The following GPATCH8 variants were observed in gnomAD, a reference collection of about 807,000 sequenced individuals.
The protein encoded by GPATCH8 is G patch domain-containing protein 8.
A neutral mutation model predicts 118.3 loss-of-function variants in GPATCH8; 18 were observed. That is an observed-to-expected ratio of 0.15 (90% CI 0.11 to 0.23). GPATCH8 has a LOEUF of 0.23. Ranked by LOEUF, GPATCH8 falls within the 10% of genes least tolerant of loss-of-function variation. GPATCH8 has a pLI of 1.00. For missense variants in GPATCH8, 1,631 were observed against 1,873.8 expected (o/e 0.87, Z 2.39); for synonymous variants, 659 against 684.7 (o/e 0.96, Z 0.59).
At position 44,455,855 on chromosome 17, in the gene GPATCH8, C is replaced by T. The variant is rs552170713; in HGVS notation, c.193+8617G>A. On this transcript the variant is annotated intron_variant, in intron 3 of 7. Coordinates refer to ENST00000591680, the MANE Select transcript of GPATCH8 (RefSeq NM_001002909.4). The stretch of plus-strand genomic sequence containing the variant: ...CTCCGCCTCCTGGGTTCAAGCAATT[C>T]TCCTGCCTCAGCCTCCCGAGTAGCT... Among the ~76,000 whole-genome samples the T allele has an allele frequency of 1.6e-4, 25 of 152,270 alleles. No homozygotes were observed. The East Asian group carries it at 4.8e-3, about 29-fold the overall frequency.
rs536583321 is a variant in GPATCH8, at chr17:44,414,159, G to GTA, written c.493-8110_493-8109dup. 9.0e-3 allele frequency among the ~76,000 whole-genome samples: 906 copies of GTA among 100,844 alleles called. 10 individuals carry two copies. The highest frequency in any genetic ancestry group is 9.4e-3 in the African/African-American group (284 of 30,086). The allele number at this position is 100,844 out of a possible 152,430, so 66.2% of individuals were successfully genotyped here. On this transcript the variant is annotated intron_variant, in intron 6 of 7. Coordinates refer to ENST00000591680, the MANE Select transcript of GPATCH8 (RefSeq NM_001002909.4). ...TATATATATGTGTATATATATATGT[G>GTA]TATATATATATATGAACATATACAT...
chr17:44,452,610 C>T (rs1234150832), intron 3 of GPATCH8, among the ~76,000 whole-genome samples: 1 of 152,158 alleles, frequency 6.6e-6, no homozygotes. Context: ...CATACCCAGA[C>T]AACTTTCTAA....
chr17:44,420,368 C>T (rs145542811), intron 6 of GPATCH8, among the ~76,000 whole-genome samples: 124 of 152,214 alleles, frequency 8.1e-4, no homozygotes, highest in African/African-American at 2.7e-3. Flanking sequence ...CATATATATA[C>T]GAAAGTTTTT....
chr17:44,422,056 A>G (rs1031560889), intron 6 of GPATCH8, among the ~76,000 whole-genome samples: 2 of 152,188 alleles, frequency 1.3e-5, no homozygotes, highest in African/African-American at 4.8e-5. Flanking sequence ...TCCACCTAAA[A>G]TATCTTTTCT....
intron 1 of GPATCH8, among the ~76,000 whole-genome samples, chr17:44,488,665 A>G (rs1968987679): frequency 1.3e-5 from 2 of 151,614 alleles, no homozygotes; most frequent in East Asian, 3.9e-4. Flanking sequence ...GCCACCACAC[A>G]TGGCCCATGA....
rs1165149218 is a variant in GPATCH8 at position 44,488,974 on chromosome 17, G to C, written c.46-14071C>G. On this transcript the variant is annotated intron_variant, in intron 1 of 7. Coordinates refer to ENST00000591680, the MANE Select transcript of GPATCH8 (RefSeq NM_001002909.4). ...GATGGCGGGTGCCTGTAATCAAACT[G>C]CTTGAACCCGGGAGGCAGAGGTTGC... Among the ~76,000 whole-genome samples, 4 of 150,776 alleles carry C rather than the reference G, an allele frequency of 2.7e-5. No individual in the cohort carries two copies. The Admixed American group carries it at 2.7e-4, about 10-fold the overall frequency.
intron 1 of GPATCH8, among the ~76,000 whole-genome samples, chr17:44,501,533 T>G (rs1970071005): frequency 6.6e-6 from 1 of 152,006 alleles, no homozygotes; most frequent in Non-Finnish European, 1.5e-5. Context: ...GAAACCAAAA[T>G]CGGGTTTTGC....
intron 1 of GPATCH8, among the ~76,000 whole-genome samples, chr17:44,476,506 G>A (rs1161116702): frequency 1.3e-5 from 2 of 152,058 alleles, no homozygotes; most frequent in Non-Finnish European, 2.9e-5. Context: ...CACCCAGCCT[G>A]TTTTACTTTT....
chr17:44,480,401 G>A (rs2144406360), intron 1 of GPATCH8, among the ~76,000 whole-genome samples: 1 of 152,066 alleles, frequency 6.6e-6, no homozygotes, highest in Middle Eastern at 3.4e-3. Flanking sequence ...CCAACATGGT[G>A]AAACTCCGTC....
rs564282846 is a variant in GPATCH8 at position 44,425,979 on chromosome 17, T to G, written c.349-1487A>C. Among the ~76,000 whole-genome samples the G allele has an allele frequency of 2.0e-5, 3 of 152,210 alleles. No individual in the cohort carries two copies. In the South Asian group the frequency reaches 6.2e-4, roughly 32 times the overall value. On this transcript the variant is annotated intron_variant, in intron 5 of 7. Coordinates refer to ENST00000591680, the MANE Select transcript of GPATCH8 (RefSeq NM_001002909.4). ...TTTCAGAAGAACTGGGCAACAGATA[T>G]GATCTGGAGTATGAAAAACACACAG... is the stretch of plus-strand genomic sequence containing the variant.
rs561947192 is a variant in GPATCH8, at chr17:44,489,997, C to T, written c.45+13329G>A. ...AGATGATCATATATCATACAAACCA[C>T]TTCGAGAATAAAATGGGGGGTAAGG... is the stretch of plus-strand genomic sequence containing the variant. On this transcript the variant is annotated intron_variant, in intron 1 of 7. Coordinates refer to ENST00000591680, the MANE Select transcript of GPATCH8 (RefSeq NM_001002909.4). Among the ~76,000 whole-genome samples, 9 of 152,220 alleles carry T rather than the reference C, an allele frequency of 5.9e-5. 1 individual carries two copies. In the South Asian group the frequency reaches 1.9e-3, roughly 32 times the overall value.
At position 44,398,367 on chromosome 17, in the gene GPATCH8, GGGTCC is replaced by G. The variant is rs1567922284; in HGVS notation, c.3705_3709del (p.Asp1236AsnfsTer5). ...GGGGAGGTAGTTATGGGAGATGGTT[GGGTCC>G]CCAGGGTAGCAGTCAGAATGTGCTG... On this transcript the variant is annotated frameshift_variant, in exon 8 of 8. Coordinates refer to ENST00000591680, the MANE Select transcript of GPATCH8 (RefSeq NM_001002909.4). LOFTEE classifies it high-confidence loss of function. The G allele has an allele frequency of 6.2e-7, 1 of 1,614,040 alleles. No homozygotes were observed. Among genetic ancestry groups the G allele is most frequent in the African/African-American group, 1.3e-5 (1 of 75,032 alleles).
In GPATCH8 at chr17:44,427,079, C is replaced by G. The variant is rs1221491275; in HGVS notation, c.349-2587G>C. Among the ~76,000 whole-genome samples the G allele has an allele frequency of 5.3e-5, 8 of 151,004 alleles. No individual in the cohort carries two copies. In the East Asian group the frequency reaches 1.6e-3, roughly 30 times the overall value. ...TATGTAATTGCCTAAATTAATATTA[C>G]TATTTTTTTTTTTTGAGACAGCGTC... On this transcript the variant is annotated intron_variant, in intron 5 of 7. Coordinates refer to ENST00000591680, the MANE Select transcript of GPATCH8 (RefSeq NM_001002909.4).
chr17:44,427,181 T>C (rs1306060844), intron 5 of GPATCH8, among the ~76,000 whole-genome samples: 1 of 151,906 alleles, frequency 6.6e-6, no homozygotes, highest in Non-Finnish European at 1.5e-5. Context: ...GCTCAATTAA[T>C]CCTCCCACCT....
chr17:44,490,976 C>A (rs1300297412), intron 1 of GPATCH8, among the ~76,000 whole-genome samples: 1 of 152,210 alleles, frequency 6.6e-6, no homozygotes, highest in East Asian at 1.9e-4. Context: ...TATTTGCTAA[C>A]TGGTGCTGAT....
At chr17:44,418,787 T>C (rs1334559393) in intron 6 of GPATCH8, among the ~76,000 whole-genome samples, 3 of 152,216 alleles carry the variant, frequency 2.0e-5, no homozygotes, top group Admixed American at 1.3e-4. Context: ...TCAGGTGTTA[T>C]CAGAATTAAC....
chr17:44,401,309 A>G lies in GPATCH8; in HGVS notation c.768T>C (p.Asp256=). Residue 256 remains aspartate, a synonymous_variant, in exon 8 of 8, where the codon GAT becomes GAC. Coordinates refer to ENST00000591680, the MANE Select transcript of GPATCH8 (RefSeq NM_001002909.4). The part of the protein sequence containing the change: ...SCGLGSEFST[D]KGGPFTAVQI... ...GTACTGCAGTGAAAGGGCCTCCTTT[A>G]TCTGTGGAGAATTCAGATCCCAGGC... The G allele has an allele frequency of 1.2e-6, 2 of 1,610,806 alleles. No homozygotes were observed. The highest frequency in any genetic ancestry group is 1.7e-6 in the Non-Finnish European group (2 of 1,178,228).
chr17:44,446,861 G>C lies in GPATCH8; in HGVS notation c.194-10316C>G, dbSNP rs1037495257. ...CTATTTTTTTTTCCTTAAAGACTGA[G>C]TCTCACTCTGTCACCCAGGCTGGAG... On this transcript the variant is annotated intron_variant, in intron 3 of 7. Coordinates refer to ENST00000591680, the MANE Select transcript of GPATCH8 (RefSeq NM_001002909.4). 2.6e-5 allele frequency among the ~76,000 whole-genome samples: 4 copies of C among 151,682 alleles called. No homozygotes were observed. In the East Asian group the frequency reaches 7.8e-4, roughly 29 times the overall value.
At chr17:44,464,844 C>T (rs557306355) in intron 2 of GPATCH8, 35 of 361,316 alleles carry the variant, frequency 9.7e-5, no homozygotes, top group South Asian at 7.7e-4. Flanking sequence ...GGGAAGAATA[C>T]ATTTATGAAG....
Sources: gnomAD v4.1 joint callset for allele counts (sites outside exome capture counted in the v4.1 genomes callset) on GRCh38, gnomAD v4.1.1 for gene constraint, MANE v1.5 for transcripts, NCBI Gene and HGNC (gene_info 2026-07-23, HGNC 2026-07-21) for gene names.